Variants in JADE3 observed in about 807,000 individuals in gnomAD.
JADE3 encodes the protein jade family PHD finger 3.
JADE3 carries 2 observed loss-of-function variants against 50.1 expected under a neutral mutation model. That is an observed-to-expected ratio of 0.04 (90% CI 0.02 to 0.13). The LOEUF (loss-of-function observed/expected upper bound fraction) is 0.13. Among genes scored for constraint, JADE3 ranks in the 10% least tolerant of loss-of-function variants. The probability of loss-of-function intolerance (pLI) is 1.00; values close to 1 mark genes in which losing one functional copy is unlikely to be tolerated. For synonymous variants in JADE3, 218 were observed against 232.9 expected, an observed-to-expected ratio of 0.94 and a Z score of 0.58; for missense variants, 475 against 634.4, an observed-to-expected ratio of 0.75 and a Z score of 2.70.
intron 1 of JADE3, among the ~76,000 whole-genome samples, chrX:46,924,076 TC>T (rs1256926061): frequency 1.8e-5 from 2 of 111,845 alleles, no homozygotes; most frequent in African/African-American, 6.5e-5. Flanking sequence ...TTCAAGTCCT[TC>T]CCCCAAAGAC....
intron 1 of JADE3, among the ~76,000 whole-genome samples, chrX:46,975,338 A>G (rs1927590331): frequency 8.9e-6 from 1 of 112,077 alleles, no homozygotes; most frequent in Non-Finnish European, 1.9e-5. Context: ...TAAACGTCCT[A>G]TATGTTTACT....
intron 6 of JADE3, 30 bp downstream of exon 6, chrX:47,028,133 T>A (rs782427869): frequency 9.5e-7 from 1 of 1,047,736 alleles, no homozygotes; most frequent in Non-Finnish European, 1.3e-6. Flanking sequence ...GTCATCTCCC[T>A]ACGGTCAGCC....
chrX:47,023,768 G>A (rs1556364960), intron 4 of JADE3, among the ~76,000 whole-genome samples: 2 of 111,803 alleles, frequency 1.8e-5, no homozygotes, highest in East Asian at 2.8e-4. Context: ...TTAGCTGGGC[G>A]TGGTGGCACT....
intron 1 of JADE3, among the ~76,000 whole-genome samples, chrX:46,942,438 T>A (rs1926781849): frequency 8.9e-6 from 1 of 112,361 alleles, no homozygotes; most frequent in Non-Finnish European, 1.9e-5. Flanking sequence ...TAGCTAATTA[T>A]CCCAGCACCA....
intron 1 of JADE3, among the ~76,000 whole-genome samples, chrX:46,973,066 C>T (rs781945487): frequency 1.8e-5 from 2 of 112,140 alleles, no homozygotes; most frequent in Non-Finnish European, 3.8e-5. Flanking sequence ...TGGGTGACCC[C>T]TGGTTTAGAC....
chrX:47,032,240 G>A lies in JADE3; in HGVS notation c.688-1381G>A, dbSNP rs145556658. On this transcript the variant is annotated intron_variant, in intron 6 of 10. Coordinates refer to ENST00000614628, the MANE Select transcript of JADE3 (RefSeq NM_014735.5). ...AACAACAGGCTTTAGATAAGGAACC[G>A]GCAAACTTTTTCTTTAAGGATCCGC... Among the ~76,000 whole-genome samples the A allele has an allele frequency of 2.5e-3, 280 of 111,556 alleles. 3 individuals carry two copies. The highest frequency in any genetic ancestry group is 8.9e-3 in the African/African-American group (272 of 30,722).
chrX:47,051,923 C>T (rs2146989430), intron 8 of JADE3, among the ~76,000 whole-genome samples: 1 of 111,328 alleles, frequency 9.0e-6, no homozygotes, highest in African/African-American at 3.3e-5. Context: ...GGTGAAACCC[C>T]GTCTCTACTA....
At chrX:47,033,858 G>A in intron 7 of JADE3, 70 bp downstream of exon 7, 1 of 914,315 alleles carries the variant, frequency 1.1e-6, no homozygotes, top group Non-Finnish European at 1.5e-6. Context: ...CATTCAGACT[G>A]ACTCAGGCTC....
At chrX:46,996,099 C>T (rs961304659) in intron 3 of JADE3, among the ~76,000 whole-genome samples, 4 of 112,083 alleles carry the variant, frequency 3.6e-5, no homozygotes, top group African/African-American at 6.5e-5. Flanking sequence ...TGCAGTGACG[C>T]GATCTCGGCT....
chrX:47,055,715 G>T (rs1028945995), intron 9 of JADE3, among the ~76,000 whole-genome samples: 1 of 112,042 alleles, frequency 8.9e-6, no homozygotes, highest in Non-Finnish European at 1.9e-5. Context: ...TTAGAAAATT[G>T]TACTGGATAC....
chrX:46,999,955 C>T, intron 4 of JADE3, among the ~76,000 whole-genome samples: 1 of 111,030 alleles, frequency 9.0e-6, no homozygotes, highest in Non-Finnish European at 1.9e-5. Flanking sequence ...TATTGTACAC[C>T]CATCAATTTC....
chrX:47,015,351 G>T (rs926161618), intron 4 of JADE3, among the ~76,000 whole-genome samples: 1 of 111,642 alleles, frequency 9.0e-6, no homozygotes, highest in African/African-American at 3.3e-5. Context: ...GGAGGCCAAG[G>T]TGAGTGGATC....
At chrX:47,014,246 G>A (rs1285512684) in intron 4 of JADE3, among the ~76,000 whole-genome samples, 2 of 112,085 alleles carry the variant, frequency 1.8e-5, no homozygotes, top group African/African-American at 6.5e-5. Context: ...AACTGTGACT[G>A]TATGCTGAAC....
intron 1 of JADE3, among the ~76,000 whole-genome samples, chrX:46,965,663 A>G (rs999802580): frequency 5.4e-5 from 6 of 111,427 alleles, no homozygotes; most frequent in African/African-American, 2.0e-4. Flanking sequence ...ATGTTTTAAA[A>G]GTGAGGAAGC....
chrX:47,018,420 G>A (rs1254563483), intron 4 of JADE3, among the ~76,000 whole-genome samples: 5 of 109,178 alleles, frequency 4.6e-5, no homozygotes, highest in Non-Finnish European at 9.5e-5. Context: ...TGCAAGCTCC[G>A]CCTCCCGGGT....
chrX:46,954,306 A>G (rs1177282137), intron 1 of JADE3, among the ~76,000 whole-genome samples: 1 of 111,833 alleles, frequency 8.9e-6, no homozygotes, highest in African/African-American at 3.3e-5. Context: ...TAACTTGGGA[A>G]TATTTAAGAG....
chrX:46,999,764 C>T (rs188916643), intron 4 of JADE3, among the ~76,000 whole-genome samples: 99 of 110,266 alleles, frequency 9.0e-4, no homozygotes, highest in African/African-American at 2.8e-3. Context: ...TAAAGAGTAG[C>T]GACTGGTTTT....
At chrX:46,937,088 C>T (rs781798570) in intron 1 of JADE3, among the ~76,000 whole-genome samples, 16 of 111,757 alleles carry the variant, frequency 1.4e-4, no homozygotes, top group Non-Finnish European at 2.6e-4. Context: ...AAATTTCTCT[C>T]TAAGCACTGT....
chrX:47,001,949 TTC>T (rs781797517), intron 4 of JADE3, among the ~76,000 whole-genome samples: 1 of 111,489 alleles, frequency 9.0e-6, no homozygotes, highest in South Asian at 3.7e-4. Context: ...TCTAATCAGA[TTC>T]TTTGTTTTTT....
Sources: gnomAD v4.1 joint callset for allele counts (sites outside exome capture counted in the v4.1 genomes callset) on GRCh38, gnomAD v4.1.1 for gene constraint, MANE v1.5 for transcripts, NCBI Gene and HGNC (gene_info 2026-07-23, HGNC 2026-07-21) for gene names.